CD163L1: variants seen among roughly 807,000 people sequenced by gnomAD.
The protein encoded by CD163L1 is CD163 molecule like 1.
In CD163L1, 124 loss-of-function variants were observed where a neutral mutation model predicts 165.4. The ratio of observed to expected loss-of-function variants is 0.75; its 90% CI spans 0.65 to 0.87. CD163L1 has a LOEUF of 0.87. Among genes scored for constraint, CD163L1 ranks in the 40% least tolerant of loss-of-function variants. The probability of loss-of-function intolerance (pLI) is 0.00; values close to 1 mark genes in which losing one functional copy is unlikely to be tolerated. For missense variants in CD163L1, 1,525 were observed against 1,799.9 expected, an observed-to-expected ratio of 0.85 and a Z score of 2.76; for synonymous variants, 585 against 662.2, an observed-to-expected ratio of 0.88 and a Z score of 1.79.
intron 4 of CD163L1, among the ~76,000 whole-genome samples, chr12:7,348,315 A>G (rs1240427345): frequency 1.3e-5 from 2 of 152,232 alleles, no homozygotes; most frequent in East Asian, 1.9e-4. Flanking sequence ...AACTAGTTGT[A>G]ATGAATGTTG....
At position 7,368,148 on chromosome 12, in the gene CD163L1, A is replaced by G; in HGVS notation, c.4122T>C (p.Val1374=). The G allele has an allele frequency of 6.2e-7, 1 of 1,612,946 alleles. No individual in the cohort carries two copies. Among genetic ancestry groups the G allele is most frequent in the East Asian group, 2.2e-5 (1 of 44,864 alleles). The change falls in exon 17 of 20, where the codon GTT becomes GTC. Residue 1374 remains valine (V), a synonymous_variant. Transcript: ENST00000313599. This position sits in a 1 kb window ranked among gnomAD's most constrained non-coding sequence, Gnocchi z 4.3. ...ACCACGTGAGAAATAGAATAAACAG[A>G]ACCAGGAGAAGGAGCCCAAAGATAC... is the stretch of plus-strand genomic sequence containing the variant. ...LSSIFGLLLL[V]LFILFLTWCR...
chr12:7,358,951 G>A (rs1022794599), intron 18 of CD163L1, among the ~76,000 whole-genome samples: 4 of 151,938 alleles, frequency 2.6e-5, no homozygotes, highest in Non-Finnish European at 5.9e-5. Context: ...TAGAAACGAA[G>A]CATGTCTTTT....
chr12:7,395,874 G>A (rs1947762797), intron 8 of CD163L1, among the ~76,000 whole-genome samples: 1 of 152,256 alleles, frequency 6.6e-6, no homozygotes, highest in South Asian at 2.1e-4. Context: ...CTAACTTTGG[G>A]AAAATTTGGG....
At chr12:7,410,025 T>G (rs1009313590) in intron 4 of CD163L1, among the ~76,000 whole-genome samples, 2 of 151,896 alleles carry the variant, frequency 1.3e-5, no homozygotes, top group Non-Finnish European at 2.9e-5. Flanking sequence ...GACTGAAAAT[T>G]TTGGCAGAAA....
At chr12:7,325,349 C>A in the CD163L1 span, among the ~76,000 whole-genome samples, 8 of 152,252 alleles carry the variant, frequency 5.3e-5, no homozygotes, top group South Asian at 1.7e-3. Context: ...AGAAACAAGA[C>A]AAATAGAAAA....
intron 8 of CD163L1, among the ~76,000 whole-genome samples, chr12:7,392,073 C>T (rs750238212): frequency 6.6e-6 from 1 of 152,110 alleles, no homozygotes; most frequent in Non-Finnish European, 1.5e-5. Flanking sequence ...ACCAAGAGGA[C>T]CTAATAGACA....
intron 4 of CD163L1, among the ~76,000 whole-genome samples, chr12:7,421,084 T>TAC (rs777540288): frequency 3.4e-4 from 40 of 117,764 alleles, no homozygotes; most frequent in Admixed American, 8.5e-4. Context: ...CGTATATATA[T>TAC]ACGTATATAT....
intron 5 of CD163L1, among the ~76,000 whole-genome samples, chr12:7,405,247 A>C (rs1359649733): frequency 6.6e-6 from 1 of 152,098 alleles, no homozygotes; most frequent in East Asian, 1.9e-4. Flanking sequence ...ATTGTAAGAA[A>C]ATTTATCAAA....
At chr12:7,380,180 T>C (rs964643531) in intron 8 of CD163L1, among the ~76,000 whole-genome samples, 2 of 152,038 alleles carry the variant, frequency 1.3e-5, no homozygotes, top group Non-Finnish European at 2.9e-5. Flanking sequence ...AAAAGATACT[T>C]GCACACGCAT....
chr12:7,318,937 G>A, the CD163L1 span, among the ~76,000 whole-genome samples: 10 of 152,192 alleles, frequency 6.6e-5, no homozygotes, highest in African/African-American at 9.7e-5. Flanking sequence ...GACTGGATTC[G>A]TGGAAGACAA....
At chr12:7,407,026 G>C (rs1343686157) in intron 4 of CD163L1, among the ~76,000 whole-genome samples, 174 bp from the exon 5 acceptor site, 1 of 152,112 alleles carries the variant, frequency 6.6e-6, no homozygotes, top group African/African-American at 2.4e-5. Context: ...TCTATCCCAG[G>C]AAAGGATCAT....
chr12:7,326,593 A>G, the CD163L1 span, among the ~76,000 whole-genome samples: 31 of 152,200 alleles, frequency 2.0e-4, no homozygotes, highest in Non-Finnish European at 4.1e-4. Context: ...CATATTCTCT[A>G]GGAACTCCAT....
chr12:7,413,091 CAAAAAAAAAAA>C (rs111943372), intron 4 of CD163L1, among the ~76,000 whole-genome samples: 6 of 39,546 alleles, frequency 1.5e-4, no homozygotes, highest in Non-Finnish European at 2.3e-4. Flanking sequence ...GACTCCATCT[CAAAAAAAAAAA>C]AAAAAAAAAA....
intron 18 of CD163L1, among the ~76,000 whole-genome samples, chr12:7,359,922 T>C (rs1803237032): frequency 6.6e-6 from 1 of 152,188 alleles, no homozygotes; most frequent in Non-Finnish European, 1.5e-5. Flanking sequence ...CACTTTTGTC[T>C]CCTTGCTTTT....
the CD163L1 span, among the ~76,000 whole-genome samples, chr12:7,340,247 A>G: frequency 6.6e-6 from 1 of 152,172 alleles, no homozygotes; most frequent in Non-Finnish European, 1.5e-5. Flanking sequence ...CTTTGAGATA[A>G]GTAAAACAGG....
At chr12:7,410,437 C>A (rs1160657529) in intron 4 of CD163L1, among the ~76,000 whole-genome samples, 1 of 152,098 alleles carries the variant, frequency 6.6e-6, no homozygotes, top group Non-Finnish European at 1.5e-5. Context: ...GAAACCCTAT[C>A]TCTATTAAAA....
intron 4 of CD163L1, among the ~76,000 whole-genome samples, chr12:7,348,161 G>A (rs1946682981): frequency 6.6e-6 from 1 of 152,168 alleles, no homozygotes; most frequent in African/African-American, 2.4e-5. Context: ...ATATTGAGCA[G>A]AGTTCCACAT....
chr12:7,373,487 T>C lies in CD163L1; in HGVS notation c.3563A>G (p.Glu1188Gly). 6.2e-7 allele frequency: 1 copy of C among 1,614,134 alleles called. No homozygotes were observed. Among genetic ancestry groups the C allele is most frequent in the Non-Finnish European group, 8.5e-7 (1 of 1,180,024 alleles). Residue 1188 changes from glutamate (E) to glycine (G), a missense_variant, in exon 14 of 20, where the codon GAG (glutamate) becomes GGG (glycine). Physicochemically the swap from Glu to Gly is moderately conservative, Grantham distance 98. Coordinates refer to ENST00000313599, the MANE Select transcript of CD163L1 (RefSeq NM_174941.6). ...AGGGGCGAGGCTGACAACTCCATTC[T>C]CCCCACAGCCCAGCTGCCTGCACAC... ...GIVCRQLGCG[E>G]NGVVSLAPLS...
chr12:7,328,961 T>C, the CD163L1 span, among the ~76,000 whole-genome samples: 1 of 148,866 alleles, frequency 6.7e-6, no homozygotes, highest in Admixed American at 6.7e-5. Flanking sequence ...ATACTGTATA[T>C]CTAGATACAT....
Sources: gnomAD v4.1 joint callset for allele counts (sites outside exome capture counted in the v4.1 genomes callset) on GRCh38, gnomAD v4.1.1 for gene constraint, Gnocchi (gnomAD v3.1) non-coding constraint, MANE v1.5 for transcripts, NCBI Gene and HGNC (gene_info 2026-07-23, HGNC 2026-07-21) for gene names.